SLC13A3: variants seen among roughly 807,000 people sequenced by gnomAD.
The protein encoded by SLC13A3 is solute carrier family 13 member 3, also known as Na(+)/dicarboxylate cotransporter 3.
SLC13A3 carries 40 observed loss-of-function variants against 59.0 expected under a neutral mutation model. That is an observed-to-expected ratio of 0.68 (90% confidence interval 0.53 to 0.88). The LOEUF is 0.88. SLC13A3 is among the 40% of genes least tolerant of loss of function. SLC13A3 has a pLI of 0.00. For missense variants in SLC13A3, 699 were observed against 783.2 expected (o/e 0.89, Z 1.28); for synonymous variants, 317 against 330.3 (o/e 0.96, Z 0.44).
At chr20:46,642,362 C>T (rs1327927151) in intron 1 of SLC13A3, among the ~76,000 whole-genome samples, 1 of 152,210 alleles carries the variant, frequency 6.6e-6, no homozygotes, top group Non-Finnish European at 1.5e-5. Context: ...TACAACACTG[C>T]ACTGTGCTGA....
chr20:46,659,310 A>C (rs1337422413), intron 1 of SLC13A3, among the ~76,000 whole-genome samples: 1 of 151,908 alleles, frequency 6.6e-6, no homozygotes, highest in Non-Finnish European at 1.5e-5. Context: ...TTAATTTTTT[A>C]GCTTTTTTCT....
At chr20:46,560,344 A>C in intron 12 of SLC13A3, 146 bp from the exon 13 acceptor site, 1 of 701,126 alleles carries the variant, frequency 1.4e-6, no homozygotes, top group Non-Finnish European at 2.4e-6. Context: ...AGGTCGGTAA[A>C]TGCCTGGGAC....
chr20:46,612,113 CTCTCTCTT>C (rs1568936249), intron 2 of SLC13A3, among the ~76,000 whole-genome samples: 3 of 134,722 alleles, frequency 2.2e-5, no homozygotes, highest in Non-Finnish European at 4.6e-5. Context: ...CTCTCTTTCT[CTCTCTCTT>C]TGCTTTTTTT....
At position 46,610,462 on chromosome 20, in the gene SLC13A3, C is replaced by T. The variant is rs759773474; in HGVS notation, c.525G>A (p.Glu175=). 3.3e-5 allele frequency: 54 copies of T among 1,613,394 alleles called. No homozygotes were observed. In the Admixed American group the frequency reaches 5.5e-4, roughly 16 times the overall value. ...QKEVRKDPSQ[E]SEENTAAVRR... ...CAGCCTCACCTGTGTTCTCTTCACT[C>T]TCCTGGCTGGGGTCCTTTCGAACCT... is the stretch of plus-strand genomic sequence containing the variant. Residue 175 remains glutamate (E), a synonymous_variant, in exon 3 of 13, where the codon GAG becomes GAA. Coordinates refer to ENST00000279027, the MANE Select transcript of SLC13A3 (RefSeq NM_022829.6).
chr20:46,565,122 G>C (rs2061968525), intron 11 of SLC13A3, among the ~76,000 whole-genome samples: 2 of 152,218 alleles, frequency 1.3e-5, no homozygotes, highest in South Asian at 4.1e-4. Flanking sequence ...TATATTGATA[G>C]TTTCCTTTTT....
chr20:46,592,261 CTACA>C (rs373073896), intron 6 of SLC13A3, 139 bp downstream of exon 6: 22 of 969,728 alleles, frequency 2.3e-5, no homozygotes, highest in African/African-American at 8.3e-5. Context: ...ATATACATAC[CTACA>C]TACATACATA....
chr20:46,632,107 C>T (rs555663017), intron 1 of SLC13A3, among the ~76,000 whole-genome samples: 29 of 152,256 alleles, frequency 1.9e-4, no homozygotes, highest in African/African-American at 4.6e-4. Flanking sequence ...AGCTGGCTGG[C>T]CCACACTTTG....
chr20:46,673,707 A>C (rs1281183096), upstream of SLC13A3: 1 of 152,232 alleles, frequency 6.6e-6, no homozygotes, highest in Non-Finnish European at 1.5e-5. Flanking sequence ...CGTCGTCTGA[A>C]AGTGTTTACC....
At chr20:46,681,396 T>C (rs373978461) in intron 1 of SLC13A3, among the ~76,000 whole-genome samples, 16 of 148,246 alleles carry the variant, frequency 1.1e-4, no homozygotes, top group African/African-American at 4.0e-4. Flanking sequence ...GAAGAAAAGA[T>C]GGAAGTAGAG....
chr20:46,621,776 TA>T (rs1421874904), intron 1 of SLC13A3, among the ~76,000 whole-genome samples: 2 of 152,210 alleles, frequency 1.3e-5, no homozygotes, highest in Non-Finnish European at 2.9e-5. Flanking sequence ...GAAATGGTTC[TA>T]AAATCAAATA....
intron 1 of SLC13A3, among the ~76,000 whole-genome samples, chr20:46,618,459 C>G (rs1600569367): frequency 6.6e-6 from 1 of 152,242 alleles, no homozygotes; most frequent in African/African-American, 2.4e-5. Flanking sequence ...TCTGTCCCCC[C>G]AGATTCATAC....
chr20:46,609,116 T>C (rs1004332601), intron 3 of SLC13A3: 9 of 1,509,626 alleles, frequency 6.0e-6, no homozygotes, highest in African/African-American at 2.8e-5. Context: ...TGCCCACATA[T>C]GTATCAATTC....
At chr20:46,566,495 G>C (rs1396492665) in intron 10 of SLC13A3, 105 bp from the exon 11 acceptor site, 1 of 1,328,750 alleles carries the variant, frequency 7.5e-7, no homozygotes, top group Admixed American at 2.5e-5. Flanking sequence ...CCCCTTCCCA[G>C]ATGGGGAGAC....
At chr20:46,566,449 A>G in intron 10 of SLC13A3, 59 bp from the exon 11 acceptor site, 1 of 1,570,488 alleles carries the variant, frequency 6.4e-7, no homozygotes, top group East Asian at 2.3e-5. Context: ...CGCCCCCCAG[A>G]GAGGGTTAGG....
At chr20:46,607,932 C>T (rs1165990610) in intron 3 of SLC13A3, among the ~76,000 whole-genome samples, 1 of 152,170 alleles carries the variant, frequency 6.6e-6, no homozygotes. Flanking sequence ...ACCTAAGAGT[C>T]CGCGCATAAA....
chr20:46,566,527 G>GACATTGGAC, intron 10 of SLC13A3, 137 bp from the exon 11 acceptor site: 1 of 959,486 alleles, frequency 1.0e-6, no homozygotes, highest in Non-Finnish European at 1.5e-6. Flanking sequence ...GAGGGGAGGT[G>GACATTGGAC]ACGTGTCCAA....
In SLC13A3 at chr20:46,643,868, T is replaced by C. The variant is rs142989840; in HGVS notation, c.111+7443A>G. Among the ~76,000 whole-genome samples the C allele has an allele frequency of 3.0e-4, 46 of 152,086 alleles. 1 individual carries two copies. In the East Asian group the frequency reaches 8.7e-3, roughly 29 times the overall value. ...AGACCAGTTGAGTGGCATGACTCCA[T>C]CTCTACAAAAAATACAAAAATTAGC... On this transcript the variant is annotated intron_variant, in intron 1 of 12. Coordinates refer to ENST00000279027, the MANE Select transcript of SLC13A3 (RefSeq NM_022829.6).
In SLC13A3 at chr20:46,623,010, A is replaced by G. The variant is rs190794116; in HGVS notation, c.112-9285T>C. 5.3e-5 allele frequency among the ~76,000 whole-genome samples: 8 copies of G among 152,340 alleles called. No individual in the cohort carries two copies. The East Asian group carries it at 5.8e-4, about 11-fold the overall frequency. ...AAAGCTCCAAGCCCTTCTGGCTTCA[A>G]TGGTAATTCTACCAAACATTGAAGG... On this transcript the variant is annotated intron_variant, in intron 1 of 12. Coordinates refer to ENST00000279027, the MANE Select transcript of SLC13A3 (RefSeq NM_022829.6).
intron 2 of SLC13A3, among the ~76,000 whole-genome samples, chr20:46,612,286 C>G (rs974999366): frequency 2.0e-5 from 3 of 151,904 alleles, no homozygotes; most frequent in Admixed American, 6.6e-5. Flanking sequence ...CATGCGCCAC[C>G]ACGCCCAGTG....
Sources: gnomAD v4.1 joint callset for allele counts (sites outside exome capture counted in the v4.1 genomes callset) on GRCh38, gnomAD v4.1.1 for gene constraint, MANE v1.5 for transcripts, NCBI Gene and HGNC (gene_info 2026-07-23, HGNC 2026-07-21) for gene names.